Variants in ADAM12 observed in about 807,000 individuals in gnomAD.
ADAM12 encodes disintegrin and metalloproteinase domain-containing protein 12.
ADAM12 carries 70 observed loss-of-function variants against 106.4 expected under a neutral mutation model. The observed-to-expected ratio is 0.66, with a 90% CI of 0.54 to 0.80. The LOEUF (loss-of-function observed/expected upper bound fraction) is 0.80. Ranked by LOEUF, ADAM12 falls within the 30% of genes least tolerant of loss-of-function variation. The pLI is 0.00. For synonymous variants in ADAM12, 420 were observed against 433.5 expected, an observed-to-expected ratio of 0.97 and a Z score of 0.39; for missense variants, 1,010 against 1,171.9, an observed-to-expected ratio of 0.86 and a Z score of 2.02.
At chr10:126,238,068 T>C (rs1958453440) in intron 3 of ADAM12, among the ~76,000 whole-genome samples, 1 of 152,260 alleles carries the variant, frequency 6.6e-6, no homozygotes, top group South Asian at 2.1e-4. Context: ...AAAGCATTTC[T>C]TTAAAAAAAG....
intron 1 of ADAM12, among the ~76,000 whole-genome samples, chr10:126,351,740 C>T (rs1411173691): frequency 6.6e-6 from 1 of 152,128 alleles, no homozygotes; most frequent in Non-Finnish European, 1.5e-5. Flanking sequence ...ACCTCCTCAT[C>T]AAGACAATGC....
At chr10:126,055,478 G>A (rs1334562178) in intron 14 of ADAM12, among the ~76,000 whole-genome samples, 8 of 152,332 alleles carry the variant, frequency 5.3e-5, no homozygotes, top group South Asian at 2.1e-4. Context: ...TACAGCACGC[G>A]GTATCATCTT....
intron 1 of ADAM12, among the ~76,000 whole-genome samples, chr10:126,339,358 G>A (rs986074019): frequency 1.6e-4 from 25 of 152,122 alleles, no homozygotes; most frequent in Admixed American, 1.6e-3. Context: ...AAACCAACAC[G>A]TTTTCAATCA....
rs1203372067 is a variant in ADAM12, at chr10:126,064,752, CAGCCCAGGTCTGCCAG to C, written c.1609+38_1609+53del. 1 of 1,524,706 alleles carries C rather than the reference CAGCCCAGGTCTGCCAG, an allele frequency of 6.6e-7. No individual in the cohort carries two copies. The highest frequency in any genetic ancestry group is 8.8e-7 in the Non-Finnish European group (1 of 1,133,898). 94.4% of individuals were successfully genotyped at this position (1,524,706 alleles called of 1,614,324 possible). A position where few individuals can be genotyped will look rare whatever the true frequency, so the allele number is the denominator to read the frequency against. ...AACAGAGCACATGCCCCCAGTCCCA[CAGCCCAGGTCTGCCAG>C]TGCCTCTCCTGATGCCGAGCTTGTG... On this transcript the variant is annotated intron_variant, in intron 14 of 22. Transcript: ENST00000448723. The surrounding 1 kb of genome is among the most constrained non-coding windows in gnomAD (Gnocchi z 4.4).
chr10:126,018,766 G>A (rs897832029), intron 22 of ADAM12, among the ~76,000 whole-genome samples: 6 of 152,108 alleles, frequency 3.9e-5, no homozygotes, highest in African/African-American at 1.4e-4. Flanking sequence ...TGCCTTCCTA[G>A]TGGACCAAGC....
chr10:126,190,599 G>T (rs1957481181), intron 3 of ADAM12, among the ~76,000 whole-genome samples: 1 of 152,180 alleles, frequency 6.6e-6, no homozygotes, highest in Non-Finnish European at 1.5e-5. Flanking sequence ...CCTTTGGGAG[G>T]TTCAAAGTCT....
chr10:126,060,145 C>CA (rs1033917194), intron 14 of ADAM12, among the ~76,000 whole-genome samples: 1 of 152,138 alleles, frequency 6.6e-6, no homozygotes, highest in South Asian at 2.1e-4. Context: ...AATAAATGAA[C>CA]AAAAAACCCA....
intron 1 of ADAM12, among the ~76,000 whole-genome samples, chr10:126,376,065 T>C (rs1268220246): frequency 6.6e-6 from 1 of 151,756 alleles, no homozygotes; most frequent in East Asian, 1.9e-4. Context: ...TTGTTTATCA[T>C]TGTAATGGAT....
intron 2 of ADAM12, among the ~76,000 whole-genome samples, chr10:126,307,665 T>C (rs1960909140): frequency 1.3e-5 from 2 of 152,178 alleles, no homozygotes; most frequent in African/African-American, 4.8e-5. Context: ...CTTAGCTTCC[T>C]GAGTAGCTGG....
rs1958893004 is a variant in ADAM12, at chr10:126,256,393, G to C, written c.260+22522C>G. Among the ~76,000 whole-genome samples, 3 of 152,308 alleles carry C rather than the reference G, an allele frequency of 2.0e-5. 1 individual carries two copies. Among genetic ancestry groups the C allele is most frequent in the South Asian group, 4.1e-4 (2 of 4,824 alleles). ...CCAACAACTACGGGATCTTGGGCAAGTGTCTAAACCTCCCTGCTCTTCCAG... is the reference window on the plus strand; with the variant it reads ...CCAACAACTACGGGATCTTGGGCAACTGTCTAAACCTCCCTGCTCTTCCAG... On this transcript the variant is annotated intron_variant, in intron 3 of 22. Transcript: ENST00000448723.
chr10:126,325,047 T>A (rs141771409), intron 2 of ADAM12, among the ~76,000 whole-genome samples: 45 of 152,112 alleles, frequency 3.0e-4, no homozygotes, highest in African/African-American at 9.6e-4. Context: ...AGCGGGACCC[T>A]TCATCAGAAG....
At chr10:126,271,868 A>T (rs1172956449) in intron 3 of ADAM12, among the ~76,000 whole-genome samples, 1 of 152,230 alleles carries the variant, frequency 6.6e-6, no homozygotes, top group African/African-American at 2.4e-5. Context: ...GATCCTTATC[A>T]GGACACACAA....
intron 5 of ADAM12, among the ~76,000 whole-genome samples, chr10:126,122,535 G>A (rs1378853069): frequency 6.6e-6 from 1 of 152,192 alleles, no homozygotes; most frequent in Non-Finnish European, 1.5e-5. Context: ...GCCGAGGTGG[G>A]TGGATCACCT....
chr10:126,260,738 G>A (rs1346001384), intron 3 of ADAM12, among the ~76,000 whole-genome samples: 1 of 152,132 alleles, frequency 6.6e-6, no homozygotes. Flanking sequence ...GACAGAAGGG[G>A]TGTGCCGTGG....
chr10:126,023,991 T>G (rs976298777), intron 21 of ADAM12, among the ~76,000 whole-genome samples: 3 of 151,410 alleles, frequency 2.0e-5, no homozygotes, highest in African/African-American at 7.3e-5. Flanking sequence ...ATCCAAAGAC[T>G]TCAGATTTGG....
At chr10:126,271,783 A>T (rs1959177950) in intron 3 of ADAM12, among the ~76,000 whole-genome samples, 2 of 152,172 alleles carry the variant, frequency 1.3e-5, no homozygotes, top group Admixed American at 1.3e-4. Context: ...TGAAAAGCAG[A>T]ATCTTATCAT....
At chr10:126,256,048 A>G (rs573479100) in intron 3 of ADAM12, among the ~76,000 whole-genome samples, 1 of 152,312 alleles carries the variant, frequency 6.6e-6, no homozygotes, top group South Asian at 2.1e-4. Flanking sequence ...CAAGTCTGCC[A>G]CGGTGGTGCT....
At chr10:126,018,431 CTG>C (rs1489792448) in intron 22 of ADAM12, among the ~76,000 whole-genome samples, 7 of 152,172 alleles carry the variant, frequency 4.6e-5, no homozygotes, top group Non-Finnish European at 8.8e-5. Flanking sequence ...AAGCTACCAC[CTG>C]ACATCACTAA....
intron 3 of ADAM12, among the ~76,000 whole-genome samples, chr10:126,257,757 T>A (rs1958921532): frequency 6.6e-6 from 1 of 152,088 alleles, no homozygotes; most frequent in African/African-American, 2.4e-5. Flanking sequence ...AAGATAAAGA[T>A]AAGAATATAT....
Sources: allele counts gnomAD v4.1 joint callset (sites outside exome capture counted in the v4.1 genomes callset), GRCh38; gene constraint gnomAD v4.1.1; non-coding constraint Gnocchi (gnomAD v3.1); transcripts MANE v1.5; gene names NCBI Gene and HGNC (gene_info 2026-07-23, HGNC 2026-07-21).